The following PPP2R1B variants were observed in gnomAD, a reference collection of about 807,000 sequenced individuals.
PPP2R1B encodes the protein protein phosphatase 2 scaffold subunit Abeta.
A neutral mutation model predicts 72.7 loss-of-function variants in PPP2R1B; 58 were observed. The ratio of observed to expected loss-of-function variants is 0.80; its 90% CI spans 0.65 to 0.99. PPP2R1B has a LOEUF of 0.99. Among genes scored for constraint, PPP2R1B ranks in the 50% least tolerant of loss-of-function variants. The pLI, the probability that PPP2R1B is intolerant of heterozygous loss-of-function variation, is 0.00. For synonymous variants in PPP2R1B, 256 were observed against 264.6 expected, an observed-to-expected ratio of 0.97 and a Z score of 0.32; for missense variants, 695 against 733.6, an observed-to-expected ratio of 0.95 and a Z score of 0.61.
chr11:111,695,386 G>A, the PPP2R1B span, among the ~76,000 whole-genome samples: 1 of 151,934 alleles, frequency 6.6e-6, no homozygotes, highest in Non-Finnish European at 1.5e-5. Flanking sequence ...TTGAAGATTG[G>A]TTTTCAATGT....
At position 111,739,790 on chromosome 11, in the gene PPP2R1B, T is replaced by A. The variant is rs1168240236; in HGVS notation, c.*1806A>T. The A allele has an allele frequency of 2.7e-5, 26 of 968,518 alleles. No homozygotes were observed. Among genetic ancestry groups the A allele is most frequent in the Non-Finnish European group, 2.9e-5 (24 of 814,758 alleles). The allele number at this position is 968,518 out of a possible 1,614,324, so 60.0% of individuals were successfully genotyped here. The stretch of plus-strand genomic sequence containing the variant: ...GACTCATGAAACTAAAATTAAAATG[T>A]TTACAGAATAATAGCATAAGATATT... On this transcript the variant is annotated 3_prime_UTR_variant, in exon 15 of 15. Transcript: ENST00000527614.
downstream of PPP2R1B, among the ~76,000 whole-genome samples, chr11:111,722,314 G>A (rs1943826257): frequency 6.6e-6 from 1 of 152,194 alleles, no homozygotes; most frequent in South Asian, 2.1e-4. The surrounding 1 kb of genome is among the most constrained non-coding windows in gnomAD (Gnocchi z 4.4). Context: ...CTTAAAAAGC[G>A]ATAAAGCATA....
At chr11:111,707,100 A>G in the PPP2R1B span, among the ~76,000 whole-genome samples, 1 of 152,176 alleles carries the variant, frequency 6.6e-6, no homozygotes, top group Non-Finnish European at 1.5e-5. Context: ...AGACCGAGAA[A>G]GAAGGAGATA....
the PPP2R1B span, chr11:111,719,785 G>A: frequency 6.2e-7 from 1 of 1,613,260 alleles, no homozygotes. Context: ...GTCAATGGCT[G>A]TCTGCTTGAC....
At chr11:111,695,195 G>A in the PPP2R1B span, among the ~76,000 whole-genome samples, 3 of 152,040 alleles carry the variant, frequency 2.0e-5, no homozygotes, top group South Asian at 4.1e-4. Context: ...ACTCTTCATC[G>A]AGGCTGGGTA....
At chr11:111,736,953 G>C (rs183833221), downstream of PPP2R1B, among the ~76,000 whole-genome samples, 6 of 152,276 alleles carry the variant, frequency 3.9e-5, no homozygotes, top group Admixed American at 3.9e-4. Context: ...TGCTGAACTG[G>C]GGCTTTTCAC....
chr11:111,726,028 A>AAAT (rs1187788169), downstream of PPP2R1B: 1 of 152,244 alleles, frequency 6.6e-6, no homozygotes. Context: ...TGATTTCGTG[A>AAAT]AATAAAGAAC....
At chr11:111,697,544 G>T in the PPP2R1B span, among the ~76,000 whole-genome samples, 1 of 152,186 alleles carries the variant, frequency 6.6e-6, no homozygotes, top group African/African-American at 2.4e-5. Flanking sequence ...TTCATGAAAT[G>T]TAAGTGTTGT....
At chr11:111,766,000 C>G in intron 1 of PPP2R1B, 1 of 583,960 alleles carries the variant, frequency 1.7e-6, no homozygotes, top group Non-Finnish European at 3.2e-6. Flanking sequence ...CGACAACCGC[C>G]CGGGAAGGGC....
At chr11:111,759,297 A>G (rs1945238654) in intron 5 of PPP2R1B, among the ~76,000 whole-genome samples, 1 of 152,242 alleles carries the variant, frequency 6.6e-6, no homozygotes, top group South Asian at 2.1e-4. Flanking sequence ...TAAGTACTTC[A>G]TTTGGATGTT....
downstream of PPP2R1B, chr11:111,722,625 A>T (rs773491082): frequency 6.3e-7 from 1 of 1,586,210 alleles, no homozygotes. This position sits in a 1 kb window ranked among gnomAD's most constrained non-coding sequence, Gnocchi z 4.4. Context: ...CCTAGGTGAC[A>T]GCACATTGTC....
chr11:111,743,680 C>T, intron 11 of PPP2R1B, 150 bp from the exon 12 acceptor site: 1 of 992,134 alleles, frequency 1.0e-6, no homozygotes, highest in South Asian at 1.7e-5. Context: ...GACAAGCATG[C>T]TCAGCTCCAA....
chr11:111,752,703 C>T (rs940155780), intron 9 of PPP2R1B, among the ~76,000 whole-genome samples: 3 of 152,132 alleles, frequency 2.0e-5, no homozygotes, highest in African/African-American at 7.2e-5. Flanking sequence ...TGGCCGGGTG[C>T]GGTGGCTCAC....
Position 111,738,884 on chromosome 11 carries a change from G to GTC in PPP2R1B, c.*2711_*2712insGA. ...TTTTATTGGCATAGGTTATATGTTT[G>GTC]TGTGTGTGTGTGTGTGTGTGTGTGT... On this transcript the variant is annotated 3_prime_UTR_variant, in exon 15 of 15. Coordinates refer to ENST00000527614, the MANE Select transcript of PPP2R1B (RefSeq NM_002716.5). The GTC allele has an allele frequency of 2.3e-6, 1 of 429,664 alleles. No individual in the cohort carries two copies. Among genetic ancestry groups the GTC allele is most frequent in the Non-Finnish European group, 2.8e-6 (1 of 358,534 alleles). The allele number at this position is 429,664 out of a possible 1,614,324, so 26.6% of individuals were successfully genotyped here. A position where few individuals can be genotyped will look rare whatever the true frequency, so the allele number is the denominator to read the frequency against.
At chr11:111,766,188 C>T in intron 1 of PPP2R1B, 60 bp downstream of exon 1, 1 of 1,557,196 alleles carries the variant, frequency 6.4e-7, no homozygotes, top group Admixed American at 1.7e-5. Flanking sequence ...GCAGGCCTTC[C>T]CCCTTCTCTA....
At chr11:111,743,339 T>C (rs1345711347) in intron 12 of PPP2R1B, 37 bp downstream of exon 12, 1 of 1,554,986 alleles carries the variant, frequency 6.4e-7, no homozygotes, top group Non-Finnish European at 8.8e-7. Flanking sequence ...TTTGCTTTAA[T>C]GATTAAGCTT....
At chr11:111,749,348 A>G (rs1944819345) in intron 10 of PPP2R1B, among the ~76,000 whole-genome samples, 1 of 151,672 alleles carries the variant, frequency 6.6e-6, no homozygotes, top group African/African-American at 2.4e-5. Context: ...CAGTGGTGCA[A>G]TGTCAGCTCA....
the PPP2R1B span, among the ~76,000 whole-genome samples, chr11:111,691,897 G>T: frequency 1.3e-5 from 2 of 152,174 alleles, 1 homozygote; most frequent in South Asian, 4.1e-4. Context: ...ATAAGAACCA[G>T]ACCTTTAAGT....
In PPP2R1B at chr11:111,765,019, T is replaced by C; in HGVS notation, c.206-114A>G. The C allele has an allele frequency of 6.8e-6, 10 of 1,476,680 alleles. No homozygotes were observed. The South Asian group carries it at 1.3e-4, about 20-fold the overall frequency. 91.5% of individuals were successfully genotyped at this position (1,476,680 alleles called of 1,614,324 possible). A position where few individuals can be genotyped will look rare whatever the true frequency, so the allele number is the denominator to read the frequency against. ...GACCAGGAAGGTGACCCAGTCAAAA[T>C]CCTAACAGCATTTTCTTTCTTCTCA... On this transcript the variant is annotated intron_variant, in intron 2 of 14. Transcript: ENST00000527614.
Sources: gnomAD v4.1 joint callset for allele counts (sites outside exome capture counted in the v4.1 genomes callset) on GRCh38, gnomAD v4.1.1 for gene constraint, Gnocchi (gnomAD v3.1) non-coding constraint, MANE v1.5 for transcripts, NCBI Gene and HGNC (gene_info 2026-07-23, HGNC 2026-07-21) for gene names.